MDGA2: variants seen among roughly 807,000 people sequenced by gnomAD.
The protein encoded by MDGA2 is MAM domain containing glycosylphosphatidylinositol anchor 2, also known as MAM domain-containing glycosylphosphatidylinositol anchor protein 2.
MDGA2 carries 40 observed loss-of-function variants against 117.8 expected under a neutral mutation model. That is an observed-to-expected ratio of 0.34 (90% CI 0.26 to 0.44). The LOEUF is 0.44. Ranked by LOEUF, MDGA2 falls within the 20% of genes least tolerant of loss-of-function variation. The pLI, the probability that MDGA2 is intolerant of heterozygous loss-of-function variation, is 1.00. For missense variants in MDGA2, 1,123 were observed against 1,250.6 expected, an observed-to-expected ratio of 0.90 and a Z score of 1.54; for synonymous variants, 452 against 439.0, an observed-to-expected ratio of 1.03 and a Z score of -0.37.
chr14:47,512,377 TC>T (rs1894659821), intron 1 of MDGA2, among the ~76,000 whole-genome samples: 1 of 152,170 alleles, frequency 6.6e-6, no homozygotes, highest in Non-Finnish European at 1.5e-5. Flanking sequence ...CATGATAATT[TC>T]CTCATTATAA....
In MDGA2 at chr14:47,144,159, C is replaced by A. The variant is rs368024254; in HGVS notation, c.711G>T (p.Arg237=). The A allele has an allele frequency of 1.3e-6, 2 of 1,551,126 alleles. No homozygotes were observed. Among genetic ancestry groups the A allele is most frequent in the South Asian group, 1.2e-5 (1 of 84,020 alleles). Residue 237 remains arginine, a synonymous_variant, in exon 4 of 17, where the codon CGG becomes CGT. Coordinates refer to ENST00000399232, the MANE Select transcript of MDGA2 (RefSeq NM_001113498.3). ...CCTCCTGGCCACGTCTCCAGCTATA[C>A]CGAACAGGAGGATTGGAATTGGCAA... is the stretch of plus-strand genomic sequence containing the variant. ...RCVANSNPPV[R]YSWRRGQEVL... is the part of the protein sequence containing the mutation.
intron 1 of MDGA2, among the ~76,000 whole-genome samples, chr14:47,330,680 C>G (rs1890268286): frequency 6.6e-6 from 1 of 151,562 alleles, no homozygotes. Flanking sequence ...AAAGCTATAT[C>G]ATAATGATTC....
intron 1 of MDGA2, among the ~76,000 whole-genome samples, chr14:47,325,770 T>C (rs1483083185): frequency 3.3e-5 from 5 of 152,040 alleles, no homozygotes; most frequent in Non-Finnish European, 5.9e-5. Flanking sequence ...TAAAGCAATA[T>C]ATAATAGGTG....
At chr14:47,102,874 C>T (rs1469471651) in intron 5 of MDGA2, among the ~76,000 whole-genome samples, 1 of 152,176 alleles carries the variant, frequency 6.6e-6, no homozygotes, top group Non-Finnish European at 1.5e-5. Flanking sequence ...GCAGCAACCT[C>T]CAGGCCAGGA....
chr14:46,872,187 A>G (rs1006024323), intron 14 of MDGA2, among the ~76,000 whole-genome samples: 2 of 152,050 alleles, frequency 1.3e-5, no homozygotes, highest in Admixed American at 1.3e-4. Context: ...TTACAAACTT[A>G]ATTGAGAGTA....
chr14:47,382,648 A>T (rs992265592), intron 1 of MDGA2, among the ~76,000 whole-genome samples: 5 of 152,230 alleles, frequency 3.3e-5, no homozygotes, highest in Non-Finnish European at 7.3e-5. Context: ...TCAAAACCAC[A>T]ATGAGATACC....
chr14:47,071,129 A>G (rs938736998), intron 6 of MDGA2, among the ~76,000 whole-genome samples: 1 of 152,250 alleles, frequency 6.6e-6, no homozygotes, highest in Non-Finnish European at 1.5e-5. Context: ...ATTCGTTGCT[A>G]CAAAATTTCA....
At chr14:47,666,715 C>T (rs1276324626) in intron 1 of MDGA2, among the ~76,000 whole-genome samples, 3 of 152,118 alleles carry the variant, frequency 2.0e-5, no homozygotes, top group Non-Finnish European at 4.4e-5. Flanking sequence ...GCTTGGGTCC[C>T]CTTCCACACT....
At chr14:47,444,713 A>C (rs1209515235) in intron 1 of MDGA2, among the ~76,000 whole-genome samples, 1 of 152,170 alleles carries the variant, frequency 6.6e-6, no homozygotes, top group African/African-American at 2.4e-5. Flanking sequence ...ACCTTTAAAA[A>C]AATGGAAGGG....
chr14:47,240,055 G>GA (rs1555365824), intron 2 of MDGA2, among the ~76,000 whole-genome samples: 1 of 150,234 alleles, frequency 6.7e-6, no homozygotes, highest in Non-Finnish European at 1.5e-5. Flanking sequence ...AGTTTTTGCT[G>GA]TTTTTTTTTG....
chr14:47,510,981 G>T lies in MDGA2; in HGVS notation c.280+163536C>A, dbSNP rs542463467. 2.2e-4 allele frequency among the ~76,000 whole-genome samples: 33 copies of T among 152,264 alleles called. No homozygotes were observed. In the South Asian group the frequency reaches 6.2e-3, roughly 29 times the overall value. On this transcript the variant is annotated intron_variant, in intron 1 of 16. Coordinates refer to ENST00000399232, the MANE Select transcript of MDGA2 (RefSeq NM_001113498.3). Reference sequence around the variant, plus strand: ...AACAGCCTTACCTCTACAAGTTGTTGTTCTCTATTCTGTTGCCCTGTCTCA... The same window carrying T: ...AACAGCCTTACCTCTACAAGTTGTTTTTCTCTATTCTGTTGCCCTGTCTCA...
chr14:47,237,995 T>C (rs1886919907), intron 2 of MDGA2, among the ~76,000 whole-genome samples: 1 of 152,080 alleles, frequency 6.6e-6, no homozygotes, highest in South Asian at 2.1e-4. Context: ...CCCTATATCC[T>C]TCCTCATATC....
chr14:46,957,112 CTAATA>C (rs1428662826), intron 9 of MDGA2, among the ~76,000 whole-genome samples: 1 of 152,060 alleles, frequency 6.6e-6, no homozygotes, highest in Non-Finnish European at 1.5e-5. Flanking sequence ...TGAGAATTGA[CTAATA>C]TAATAACCAA....
At chr14:47,096,629 A>C (rs1366199161) in intron 6 of MDGA2, among the ~76,000 whole-genome samples, 1 of 152,010 alleles carries the variant, frequency 6.6e-6, no homozygotes, top group Non-Finnish European at 1.5e-5. Flanking sequence ...TATCACTAAG[A>C]ATATGTTATG....
At chr14:47,075,784 A>T (rs182932834) in intron 6 of MDGA2, among the ~76,000 whole-genome samples, 7 of 152,244 alleles carry the variant, frequency 4.6e-5, no homozygotes, top group Admixed American at 3.9e-4. Flanking sequence ...ATATTTAAAA[A>T]ATTTTTTCTT....
intron 1 of MDGA2, among the ~76,000 whole-genome samples, chr14:47,586,724 A>C (rs113914092): frequency 6.6e-4 from 101 of 152,044 alleles, no homozygotes; most frequent in African/African-American, 2.3e-3. Context: ...GGGTTGAAAG[A>C]AAGCCCTTCA....
chr14:47,515,941 T>G (rs919116594), intron 1 of MDGA2, among the ~76,000 whole-genome samples: 1 of 152,142 alleles, frequency 6.6e-6, no homozygotes, highest in Non-Finnish European at 1.5e-5. Flanking sequence ...TGAATCATAA[T>G]CAGTTATTAA....
chr14:47,378,803 A>T (rs1891540361), intron 1 of MDGA2, among the ~76,000 whole-genome samples: 2 of 152,330 alleles, frequency 1.3e-5, no homozygotes, highest in Non-Finnish European at 1.5e-5. Flanking sequence ...TCAGGATATT[A>T]TCCAGGAGAA....
intron 1 of MDGA2, among the ~76,000 whole-genome samples, chr14:47,377,432 T>C (rs988189659): frequency 6.6e-6 from 1 of 151,824 alleles, no homozygotes; most frequent in Non-Finnish European, 1.5e-5. Context: ...ATCCGGGAAG[T>C]GTAAGGGGTT....
Sources: gnomAD v4.1 joint callset for allele counts (sites outside exome capture counted in the v4.1 genomes callset) on GRCh38, gnomAD v4.1.1 for gene constraint, MANE v1.5 for transcripts, NCBI Gene and HGNC (gene_info 2026-07-23, HGNC 2026-07-21) for gene names.